The following DACH2 variants were observed in gnomAD, a reference collection of about 807,000 sequenced individuals.
DACH2 encodes the protein dachshund homolog 2.
Under a neutral mutation model 35.8 loss-of-function variants are expected in DACH2, and 17 were observed. That is an observed-to-expected ratio of 0.48 (90% CI 0.33 to 0.71). The LOEUF (loss-of-function observed/expected upper bound fraction) is 0.71. Ranked by LOEUF, DACH2 falls within the 30% of genes least tolerant of loss-of-function variation. The pLI, the probability that DACH2 is intolerant of heterozygous loss-of-function variation, is 0.02. For missense variants in DACH2, 469 were observed against 472.7 expected (o/e 0.99, Z 0.07); for synonymous variants, 195 against 177.3 (o/e 1.10, Z -0.79).
rs144537528 is a variant in DACH2, at chrX:86,299,387, C to T, written c.489-77437C>T. Among the ~76,000 whole-genome samples the T allele has an allele frequency of 4.2e-3, 471 of 111,711 alleles. 4 individuals are homozygous for T. Among genetic ancestry groups the T allele is most frequent in the African/African-American group, 0.015 (447 of 30,827 alleles). On this transcript the variant is annotated intron_variant, in intron 1 of 11. Coordinates refer to ENST00000373125, the MANE Select transcript of DACH2 (RefSeq NM_053281.3). Reference sequence around the variant, plus strand: ...TCATTCTACTTCAGCTTCCTTATATCCAGTGACATGTGTATAATGGATCAT... The same window carrying T: ...TCATTCTACTTCAGCTTCCTTATATTCAGTGACATGTGTATAATGGATCAT...
intron 7 of DACH2, among the ~76,000 whole-genome samples, chrX:86,765,114 C>T (rs1266876679): frequency 3.6e-5 from 4 of 110,940 alleles, no homozygotes; most frequent in African/African-American, 1.3e-4. Flanking sequence ...GTTTAAGTTC[C>T]TTGTAATTGT....
At chrX:86,450,927 T>C (rs1410794532) in intron 2 of DACH2, among the ~76,000 whole-genome samples, 1 of 111,548 alleles carries the variant, frequency 9.0e-6, no homozygotes, top group Admixed American at 9.6e-5. Context: ...GTTTTTTTCT[T>C]GTAAATAATT....
chrX:86,643,775 T>G (rs1388150814), intron 3 of DACH2, among the ~76,000 whole-genome samples: 3 of 111,452 alleles, frequency 2.7e-5, no homozygotes, highest in African/African-American at 9.8e-5. Context: ...CATAATCAAG[T>G]AGGCTTCATC....
At chrX:86,762,136 A>G (rs1327006611) in intron 7 of DACH2, among the ~76,000 whole-genome samples, 1 of 111,558 alleles carries the variant, frequency 9.0e-6, no homozygotes. Flanking sequence ...CATACTTGTT[A>G]AAGGTCAAAA....
chrX:86,369,229 G>A (rs1162872966), intron 1 of DACH2, among the ~76,000 whole-genome samples: 3 of 109,772 alleles, frequency 2.7e-5, no homozygotes, highest in Non-Finnish European at 3.8e-5. Flanking sequence ...ATGTGCCTCT[G>A]GTCTCTTAAT....
At chrX:86,585,459 G>A (rs1017942504) in intron 3 of DACH2, among the ~76,000 whole-genome samples, 4 of 110,475 alleles carry the variant, frequency 3.6e-5, no homozygotes, top group African/African-American at 1.3e-4. Flanking sequence ...GGCAAATTGC[G>A]TGTCATGGGG....
intron 3 of DACH2, among the ~76,000 whole-genome samples, chrX:86,596,958 A>ATTAT (rs1464738040): frequency 9.0e-6 from 1 of 111,042 alleles, no homozygotes; most frequent in Non-Finnish European, 1.9e-5. Flanking sequence ...TTATAGGTCT[A>ATTAT]TTATTGGATT....
intron 1 of DACH2, among the ~76,000 whole-genome samples, chrX:86,267,266 C>T (rs1400777534): frequency 9.6e-6 from 1 of 104,695 alleles, no homozygotes; most frequent in Non-Finnish European, 1.9e-5. Context: ...TTATTGGAAG[C>T]TCCTATATTG....
chrX:86,264,401 A>G (rs1024447082), intron 1 of DACH2, among the ~76,000 whole-genome samples: 4 of 111,950 alleles, frequency 3.6e-5, no homozygotes, highest in Non-Finnish European at 7.5e-5. Flanking sequence ...TATTGTGCGA[A>G]AGTTTTTAAG....
chrX:86,644,576 T>C (rs1237215926), intron 3 of DACH2, among the ~76,000 whole-genome samples: 1 of 111,096 alleles, frequency 9.0e-6, no homozygotes, highest in Non-Finnish European at 1.9e-5. Context: ...AATAAATTTA[T>C]ATGGAACCAA....
intron 11 of DACH2, chrX:86,829,032 C>T: frequency 8.9e-6 from 1 of 111,993 alleles, no homozygotes; most frequent in Non-Finnish European, 1.9e-5. Context: ...TTCCCCATGG[C>T]AGTACATGCA....
intron 3 of DACH2, among the ~76,000 whole-genome samples, chrX:86,640,461 CCTT>C (rs1330381071): frequency 5.4e-5 from 6 of 111,656 alleles, no homozygotes; most frequent in African/African-American, 2.0e-4. Flanking sequence ...AAAGCACAAA[CCTT>C]CTCTCTTGGG....
chrX:86,190,176 A>T (rs1471383445), intron 1 of DACH2, among the ~76,000 whole-genome samples: 1 of 110,072 alleles, frequency 9.1e-6, no homozygotes, highest in East Asian at 2.8e-4. Flanking sequence ...AAAAAAAAAA[A>T]GTAAAATAAA....
At chrX:86,755,593 A>ATTTTT (rs35672351) in intron 7 of DACH2, among the ~76,000 whole-genome samples, 26 of 77,622 alleles carry the variant, frequency 3.3e-4, no homozygotes, top group African/African-American at 1.2e-3. Flanking sequence ...TCTTGACCTA[A>ATTTTT]TTTTTTTTTT....
At chrX:86,660,724 A>G (rs1361361841) in intron 4 of DACH2, among the ~76,000 whole-genome samples, 1 of 111,591 alleles carries the variant, frequency 9.0e-6, no homozygotes, top group Non-Finnish European at 1.9e-5. Context: ...GCATATATTG[A>G]TTTTGAGTAT....
At chrX:86,826,982 G>C (rs1035440820) in intron 11 of DACH2, among the ~76,000 whole-genome samples, 7 of 111,841 alleles carry the variant, frequency 6.3e-5, no homozygotes, top group Non-Finnish European at 1.1e-4. Context: ...TACCTCAAAA[G>C]AAAGGTTTGA....
chrX:86,809,795 T>C (rs2042378218), intron 7 of DACH2, among the ~76,000 whole-genome samples: 1 of 111,126 alleles, frequency 9.0e-6, no homozygotes, highest in South Asian at 3.9e-4. Flanking sequence ...ATGTTAAAAC[T>C]GCTGCTGAAA....
Position 86,148,909 on chromosome X carries a change from CT to C in DACH2, c.294del (p.Leu99SerfsTer15). The C allele has an allele frequency of 4.1e-6, 5 of 1,211,097 alleles. No homozygotes were observed. The highest frequency in any genetic ancestry group is 5.6e-6 in the Non-Finnish European group (5 of 895,472). On this transcript the variant is annotated frameshift_variant, in exon 1 of 12. Transcript: ENST00000373125. LOFTEE classifies it high-confidence loss of function. ...ELICLPQVFD[L>X]FLKHLVGGLH... ...GATCTGCCTGCCGCAAGTCTTTGAT[CT>C]TTTTCTCAAGCACCTGGTGGGAGGC...
chrX:86,579,344 C>T (rs1250291920), intron 3 of DACH2, among the ~76,000 whole-genome samples: 1 of 111,229 alleles, frequency 9.0e-6, no homozygotes, highest in South Asian at 3.8e-4. Context: ...CTACCTACTT[C>T]GTCCTTCCAA....
Sources: allele counts gnomAD v4.1 joint callset (sites outside exome capture counted in the v4.1 genomes callset), GRCh38; gene constraint gnomAD v4.1.1; transcripts MANE v1.5; gene names NCBI Gene and HGNC (gene_info 2026-07-23, HGNC 2026-07-21).